The following CAMK1D variants were observed in gnomAD, a reference collection of about 807,000 sequenced individuals.
CAMK1D encodes calcium/calmodulin dependent protein kinase ID.
Under a neutral mutation model 47.7 loss-of-function variants are expected in CAMK1D, and 9 were observed. The ratio of observed to expected loss-of-function variants is 0.19; its 90% CI spans 0.11 to 0.33. The LOEUF is 0.33. Among genes scored for constraint, CAMK1D ranks in the 10% least tolerant of loss-of-function variants. The pLI, the probability that CAMK1D is intolerant of heterozygous loss-of-function variation, is 1.00. For synonymous variants in CAMK1D, 184 were observed against 184.9 expected, an observed-to-expected ratio of 0.99 and a Z score of 0.04; for missense variants, 291 against 488.7, an observed-to-expected ratio of 0.60 and a Z score of 3.81.
intron 2 of CAMK1D, among the ~76,000 whole-genome samples, chr10:12,574,468 ATTTTTTTTTTTTTTT>A (rs1171556305): frequency 3.3e-5 from 2 of 61,374 alleles, no homozygotes; most frequent in Non-Finnish European, 5.8e-5. Flanking sequence ...CGCCTAGCTA[ATTTTTTTTTTTTTTT>A]TTTTTTTTTT....
intron 1 of CAMK1D, among the ~76,000 whole-genome samples, chr10:12,501,366 G>A (rs1319927107): frequency 6.6e-6 from 1 of 152,290 alleles, no homozygotes; most frequent in Admixed American, 6.5e-5. Flanking sequence ...ATCATCTGGT[G>A]AGGGGCGAGG....
At chr10:12,644,839 G>T (rs971585785) in intron 2 of CAMK1D, among the ~76,000 whole-genome samples, 1 of 152,020 alleles carries the variant, frequency 6.6e-6, no homozygotes, top group Non-Finnish European at 1.5e-5. Flanking sequence ...TTCCTATAAA[G>T]CTATGTTAAA....
At chr10:12,490,528 C>T (rs1413601114) in intron 1 of CAMK1D, among the ~76,000 whole-genome samples, 1 of 152,188 alleles carries the variant, frequency 6.6e-6, no homozygotes, top group Non-Finnish European at 1.5e-5. Flanking sequence ...GGCAGTCTCA[C>T]TGATATTCAC....
chr10:12,562,476 T>G (rs1165767781), intron 2 of CAMK1D, among the ~76,000 whole-genome samples: 1 of 152,210 alleles, frequency 6.6e-6, no homozygotes, highest in South Asian at 2.1e-4. Context: ...AATGCCTGTC[T>G]GATAGTCACC....
chr10:12,705,208 C>T (rs1833684780), intron 3 of CAMK1D, among the ~76,000 whole-genome samples: 2 of 152,136 alleles, frequency 1.3e-5, no homozygotes, highest in East Asian at 1.9e-4. Flanking sequence ...CCCCTGTAAT[C>T]CCAGCACGTT....
chr10:12,786,696 A>G (rs1375772864), intron 5 of CAMK1D, among the ~76,000 whole-genome samples: 2 of 152,244 alleles, frequency 1.3e-5, no homozygotes, highest in East Asian at 1.9e-4. Flanking sequence ...ATGCTGGATT[A>G]TAGGCATGAG....
chr10:12,515,615 C>CT (rs10567496), intron 1 of CAMK1D, among the ~76,000 whole-genome samples: 23 of 115,592 alleles, frequency 2.0e-4, no homozygotes, highest in Non-Finnish European at 3.2e-4. Flanking sequence ...TCCCCTTCCT[C>CT]TTTTTTTTTT....
At chr10:12,794,016 G>A (rs909268461) in intron 6 of CAMK1D, among the ~76,000 whole-genome samples, 3 of 152,220 alleles carry the variant, frequency 2.0e-5, no homozygotes, top group Admixed American at 6.5e-5. Context: ...TTTGAACAGT[G>A]TTGTGATCTG....
At chr10:12,635,459 G>C (rs1283989831) in intron 2 of CAMK1D, among the ~76,000 whole-genome samples, 1 of 152,160 alleles carries the variant, frequency 6.6e-6, no homozygotes, top group African/African-American at 2.4e-5. Context: ...GGCTTGTTGA[G>C]TACCCCCTAA....
chr10:12,666,986 G>A (rs1840453267), intron 3 of CAMK1D, 176 bp downstream of exon 3: 1 of 596,554 alleles, frequency 1.7e-6, no homozygotes, highest in African/African-American at 1.9e-5. Context: ...CTGCACACAG[G>A]CGTCTACAGG....
intron 3 of CAMK1D, among the ~76,000 whole-genome samples, chr10:12,705,887 T>G (rs1054396558): frequency 6.6e-6 from 1 of 152,222 alleles, no homozygotes; most frequent in Non-Finnish European, 1.5e-5. Context: ...CTGTTAACCA[T>G]TGGTTTCATG....
In CAMK1D at chr10:12,445,595, C is replaced by T. The variant is rs567105244; in HGVS notation, c.92+95685C>T. On this transcript the variant is annotated intron_variant, in intron 1 of 10. Coordinates refer to ENST00000619168, the MANE Select transcript of CAMK1D (RefSeq NM_153498.4). ...AGTACTGTTAACGTGCTTTTTTAGA[C>T]TGGAAACTTTCCCAAGGCCGTTTTC... Among the ~76,000 whole-genome samples, 9 of 152,276 alleles carry T rather than the reference C, an allele frequency of 5.9e-5. No individual in the cohort carries two copies. The South Asian group carries it at 1.9e-3, about 32-fold the overall frequency.
chr10:12,415,592 G>A (rs1428097219), intron 1 of CAMK1D, among the ~76,000 whole-genome samples: 3 of 151,132 alleles, frequency 2.0e-5, no homozygotes, highest in Admixed American at 1.3e-4. Flanking sequence ...GAGCCACCGT[G>A]CCTGGCCCCC....
chr10:12,720,059 G>A (rs928451668), intron 3 of CAMK1D, among the ~76,000 whole-genome samples: 2 of 152,226 alleles, frequency 1.3e-5, no homozygotes, highest in Non-Finnish European at 2.9e-5. Flanking sequence ...GTGATACCAA[G>A]GACTGGTCCA....
intron 6 of CAMK1D, among the ~76,000 whole-genome samples, chr10:12,801,356 ATCT>A (rs1838459093): frequency 1.2e-5 from 1 of 83,806 alleles, no homozygotes; most frequent in Non-Finnish European, 2.6e-5. Flanking sequence ...TATCTATCTT[ATCT>A]ATCTATCTAT....
intron 2 of CAMK1D, among the ~76,000 whole-genome samples, chr10:12,577,870 G>A (rs901231089): frequency 2.0e-5 from 3 of 152,072 alleles, no homozygotes; most frequent in Admixed American, 6.6e-5. Flanking sequence ...TCATTCCCAG[G>A]ATCCCAGTTA....
chr10:12,746,693 A>C (rs75686115), intron 3 of CAMK1D, among the ~76,000 whole-genome samples: 1,885 of 152,274 alleles, frequency 0.012, 23 homozygotes, highest in South Asian at 0.03. Context: ...TTACTGAGGA[A>C]AGGAGCGTTT....
intron 6 of CAMK1D, among the ~76,000 whole-genome samples, chr10:12,800,815 G>A (rs988451178): frequency 6.6e-6 from 1 of 152,210 alleles, no homozygotes; most frequent in African/African-American, 2.4e-5. Flanking sequence ...AGCAGGTTGA[G>A]TGCATTCTGT....
chr10:12,475,361 T>A (rs1355992994), intron 1 of CAMK1D, among the ~76,000 whole-genome samples: 1 of 152,218 alleles, frequency 6.6e-6, no homozygotes, highest in Non-Finnish European at 1.5e-5. Context: ...GGATCTCATA[T>A]AAGTGGAGTC....
Sources: gnomAD v4.1 joint callset for allele counts (sites outside exome capture counted in the v4.1 genomes callset) on GRCh38, gnomAD v4.1.1 for gene constraint, MANE v1.5 for transcripts, NCBI Gene and HGNC (gene_info 2026-07-23, HGNC 2026-07-21) for gene names.